The following DIAPH3 variants were observed in gnomAD, a reference collection of about 807,000 sequenced individuals.
The protein encoded by DIAPH3 is protein diaphanous homolog 3.
A neutral mutation model predicts 144.3 loss-of-function variants in DIAPH3; 117 were observed. The observed-to-expected ratio is 0.81, with a 90% CI of 0.70 to 0.95. The LOEUF (loss-of-function observed/expected upper bound fraction) is 0.95. Ranked by LOEUF, DIAPH3 falls within the 40% of genes least tolerant of loss-of-function variation. The probability of loss-of-function intolerance (pLI) is 0.00; values close to 1 mark genes in which losing one functional copy is unlikely to be tolerated. For missense variants in DIAPH3, 1,421 were observed against 1,412.7 expected (o/e 1.01, Z -0.09); for synonymous variants, 519 against 488.9 (o/e 1.06, Z -0.81).
At chr13:59,898,462 T>C (rs1416737256) in intron 20 of DIAPH3, among the ~76,000 whole-genome samples, 3 of 152,198 alleles carry the variant, frequency 2.0e-5, no homozygotes, top group Non-Finnish European at 4.4e-5. Flanking sequence ...AAAGTTTTTT[T>C]TAACCCAGAT....
intron 23 of DIAPH3, among the ~76,000 whole-genome samples, chr13:59,836,979 C>T (rs756640155): frequency 1.8e-4 from 28 of 151,970 alleles, no homozygotes; most frequent in Non-Finnish European, 2.9e-4. Context: ...TATGCAAAAT[C>T]TGACATGTCA....
At chr13:60,107,866 T>G (rs1167928347) in intron 3 of DIAPH3, among the ~76,000 whole-genome samples, 1 of 152,226 alleles carries the variant, frequency 6.6e-6, no homozygotes, top group Non-Finnish European at 1.5e-5. Flanking sequence ...ACTCATTTAA[T>G]GCCTGTTAAT....
rs371954761 is a variant in DIAPH3, at chr13:60,107,962, A to G, written c.390+4048T>C. ...AATAAGAAAAGGTATGAATGCATGAAAAAAGCTATCTTCCATTCATTATTT... is the reference window on the plus strand; with the variant it reads ...AATAAGAAAAGGTATGAATGCATGAGAAAAGCTATCTTCCATTCATTATTT... On this transcript the variant is annotated intron_variant, in intron 3 of 27. Transcript: ENST00000400324. Among the ~76,000 whole-genome samples, 503 of 152,338 alleles carry G rather than the reference A, an allele frequency of 3.3e-3. 2 individuals carry two copies. Among genetic ancestry groups the G allele is most frequent in the African/African-American group, 0.011 (463 of 41,576 alleles).
intron 27 of DIAPH3, among the ~76,000 whole-genome samples, chr13:59,713,299 C>T (rs977321405): frequency 6.6e-6 from 1 of 151,700 alleles, no homozygotes; most frequent in African/African-American, 2.4e-5. Flanking sequence ...CTTAAGCAAT[C>T]CTCCCACTTC....
intron 5 of DIAPH3, among the ~76,000 whole-genome samples, chr13:60,033,262 A>C (rs1451012384): frequency 6.6e-6 from 1 of 151,866 alleles, no homozygotes; most frequent in South Asian, 2.1e-4. Flanking sequence ...AATTCTTCCA[A>C]CCTCTGCCCA....
intron 5 of DIAPH3, among the ~76,000 whole-genome samples, chr13:60,024,349 A>C (rs956218615): frequency 6.6e-6 from 1 of 152,032 alleles, no homozygotes; most frequent in Non-Finnish European, 1.5e-5. Flanking sequence ...CAGTTCACTA[A>C]TTCTCTCCTT....
At chr13:60,000,688 C>T (rs1293870443) in intron 9 of DIAPH3, among the ~76,000 whole-genome samples, 1 of 152,194 alleles carries the variant, frequency 6.6e-6, no homozygotes, top group Non-Finnish European at 1.5e-5. Flanking sequence ...ATCAAACCAT[C>T]AAAGACAACC....
At chr13:59,994,963 A>G (rs993764859) in intron 9 of DIAPH3, among the ~76,000 whole-genome samples, 1 of 151,840 alleles carries the variant, frequency 6.6e-6, no homozygotes, top group Non-Finnish European at 1.5e-5. Flanking sequence ...GTAGAAGTAA[A>G]TTTTTGAGCA....
chr13:60,072,456 C>T (rs568032524), intron 4 of DIAPH3, among the ~76,000 whole-genome samples: 8 of 152,088 alleles, frequency 5.3e-5, no homozygotes, highest in African/African-American at 1.7e-4. Context: ...CTATAGCAGG[C>T]CATAACTAAT....
At chr13:59,990,240 A>G (rs1487218640) in intron 12 of DIAPH3, among the ~76,000 whole-genome samples, 5 of 151,826 alleles carry the variant, frequency 3.3e-5, no homozygotes, top group Non-Finnish European at 7.4e-5. Flanking sequence ...TGAAAAACCT[A>G]AAGTTTTAAC....
chr13:60,021,353 C>G, intron 5 of DIAPH3, among the ~76,000 whole-genome samples: 1 of 152,032 alleles, frequency 6.6e-6, no homozygotes, highest in East Asian at 1.9e-4. Flanking sequence ...GGATGGGCAC[C>G]CTGGCTCACG....
At chr13:60,005,328 T>A (rs978130777) in intron 9 of DIAPH3, among the ~76,000 whole-genome samples, 1 of 152,188 alleles carries the variant, frequency 6.6e-6, no homozygotes, top group African/African-American at 2.4e-5. Flanking sequence ...AGAAAGTAGA[T>A]CAATAGTTGT....
At chr13:60,138,324 C>A (rs2059343180) in intron 1 of DIAPH3, among the ~76,000 whole-genome samples, 1 of 152,184 alleles carries the variant, frequency 6.6e-6, no homozygotes, top group African/African-American at 2.4e-5. Flanking sequence ...ACGTGAGAAA[C>A]CCTACTCCAT....
chr13:59,738,722 T>G (rs2036287549), intron 27 of DIAPH3, among the ~76,000 whole-genome samples: 1 of 152,222 alleles, frequency 6.6e-6, no homozygotes, highest in African/African-American at 2.4e-5. Context: ...CATAACAGCT[T>G]GCAACACCCA....
chr13:59,948,372 G>C (rs976211513), intron 17 of DIAPH3, among the ~76,000 whole-genome samples: 1 of 151,988 alleles, frequency 6.6e-6, no homozygotes, highest in Non-Finnish European at 1.5e-5. Flanking sequence ...TACTCTCCTT[G>C]TGTCCAAGAA....
chr13:59,721,585 G>A (rs1018182661), intron 27 of DIAPH3, among the ~76,000 whole-genome samples: 5 of 152,110 alleles, frequency 3.3e-5, no homozygotes, highest in Non-Finnish European at 5.9e-5. Context: ...AAAATCCCAA[G>A]GAAAAGAAAT....
intron 4 of DIAPH3, chr13:60,044,498 T>C (rs1270254653): frequency 1.3e-5 from 2 of 152,194 alleles, no homozygotes; most frequent in African/African-American, 2.4e-5. Context: ...CAGTCACTGA[T>C]ATCATTCAAA....
chr13:60,048,462 G>A (rs1196422863), intron 4 of DIAPH3, among the ~76,000 whole-genome samples: 1 of 152,220 alleles, frequency 6.6e-6, no homozygotes, highest in Non-Finnish European at 1.5e-5. Context: ...AAGATCACCT[G>A]TCAGCAGAGG....
At chr13:59,820,281 T>C (rs1445677990) in intron 24 of DIAPH3, among the ~76,000 whole-genome samples, 1 of 151,946 alleles carries the variant, frequency 6.6e-6, no homozygotes, top group African/African-American at 2.4e-5. Flanking sequence ...AGTAAAATGG[T>C]TGCATCCAAT....
Sources: allele counts gnomAD v4.1 joint callset (sites outside exome capture counted in the v4.1 genomes callset), GRCh38; gene constraint gnomAD v4.1.1; transcripts MANE v1.5; gene names NCBI Gene and HGNC (gene_info 2026-07-23, HGNC 2026-07-21).